Variants in MAPK4 observed in about 807,000 individuals in gnomAD.
MAPK4 encodes mitogen-activated protein kinase 4, also known as Erk3-related.
MAPK4 carries 22 observed loss-of-function variants against 47.7 expected under a neutral mutation model. The observed-to-expected ratio is 0.46, with a 90% CI of 0.33 to 0.66. The LOEUF is 0.66. MAPK4 is among the 30% of genes least tolerant of loss of function. MAPK4 has a pLI of 0.02. For missense variants in MAPK4, 736 were observed against 831.7 expected, an observed-to-expected ratio of 0.88 and a Z score of 1.42; for synonymous variants, 390 against 365.7, an observed-to-expected ratio of 1.07 and a Z score of -0.76.
intron 1 of MAPK4, among the ~76,000 whole-genome samples, chr18:50,640,681 G>T (rs989162242): frequency 2.0e-5 from 3 of 152,166 alleles, no homozygotes; most frequent in African/African-American, 4.8e-5. Context: ...GGCCAGGCTG[G>T]TCTCGAACTC....
At chr18:50,646,281 C>T (rs573576001) in intron 1 of MAPK4, among the ~76,000 whole-genome samples, 1 of 152,386 alleles carries the variant, frequency 6.6e-6, no homozygotes, top group East Asian at 1.9e-4. Flanking sequence ...GAAGCTCTTC[C>T]TCCATGGGCC....
chr18:50,673,850 C>T (rs904042049), intron 2 of MAPK4, among the ~76,000 whole-genome samples: 3 of 151,894 alleles, frequency 2.0e-5, no homozygotes, highest in Non-Finnish European at 2.9e-5. Context: ...AGCAAGACTC[C>T]GTCTCAAAAA....
chr18:50,603,860 GAGAT>G (rs1329579606), intron 1 of MAPK4, among the ~76,000 whole-genome samples: 1 of 152,190 alleles, frequency 6.6e-6, no homozygotes, highest in Non-Finnish European at 1.5e-5. Context: ...ATGTCACAAA[GAGAT>G]AGATATCACA....
chr18:50,676,638 C>T (rs1908288972), intron 2 of MAPK4, among the ~76,000 whole-genome samples: 1 of 152,204 alleles, frequency 6.6e-6, no homozygotes, highest in Non-Finnish European at 1.5e-5. Context: ...TGTTAGGAAA[C>T]ATCACCACTT....
chr18:50,611,989 T>C (rs965466078), intron 1 of MAPK4, among the ~76,000 whole-genome samples: 1 of 152,180 alleles, frequency 6.6e-6, no homozygotes, highest in African/African-American at 2.4e-5. Flanking sequence ...AATGCATAGC[T>C]TGACAGAGTT....
rs183274133 is a variant in MAPK4, at chr18:50,570,937, G to T, written c.-871+10694G>T. 3.3e-5 allele frequency among the ~76,000 whole-genome samples: 5 copies of T among 152,280 alleles called. No individual in the cohort carries two copies. In the East Asian group the frequency reaches 9.7e-4, roughly 29 times the overall value. ...TTGGTTTTTGGGGTGTGGGAGTGGG[G>T]TGGTGGCGGCTTTTATTTTTATTTT... On this transcript the variant is annotated intron_variant, in intron 1 of 5. Transcript: ENST00000400384.
chr18:50,587,904 T>C (rs1187854834), intron 1 of MAPK4, among the ~76,000 whole-genome samples: 1 of 152,076 alleles, frequency 6.6e-6, no homozygotes, highest in Non-Finnish European at 1.5e-5. Context: ...CATTTTTATA[T>C]ATTTTTAGTA....
intron 1 of MAPK4, among the ~76,000 whole-genome samples, chr18:50,662,391 C>G (rs896829771): frequency 6.6e-6 from 1 of 152,220 alleles, no homozygotes; most frequent in African/African-American, 2.4e-5. Context: ...AGATTTGACC[C>G]ATTGCTTTGA....
At chr18:50,613,569 A>T (rs1381245984) in intron 1 of MAPK4, among the ~76,000 whole-genome samples, 1 of 152,236 alleles carries the variant, frequency 6.6e-6, no homozygotes, top group Non-Finnish European at 1.5e-5. Context: ...AGAAACTGGG[A>T]TATCATTAAT....
intron 1 of MAPK4, among the ~76,000 whole-genome samples, chr18:50,564,380 C>T (rs2042180605): frequency 1.3e-5 from 2 of 152,180 alleles, no homozygotes; most frequent in South Asian, 2.1e-4. Flanking sequence ...GGCCTCTACC[C>T]CCTAGATGCC....
At chr18:50,670,936 A>C (rs1274657271) in intron 2 of MAPK4, among the ~76,000 whole-genome samples, 2 of 152,200 alleles carry the variant, frequency 1.3e-5, no homozygotes, top group African/African-American at 4.8e-5. Flanking sequence ...AGGGATTCTG[A>C]TGCTCCTGAA....
intron 1 of MAPK4, among the ~76,000 whole-genome samples, chr18:50,643,552 C>A (rs1370302819): frequency 1.3e-5 from 2 of 152,246 alleles, no homozygotes; most frequent in African/African-American, 2.4e-5. Flanking sequence ...TCCCTCCTCA[C>A]TAATTCTCAT....
At chr18:50,658,541 G>T (rs1292291458) in intron 1 of MAPK4, among the ~76,000 whole-genome samples, 3 of 152,208 alleles carry the variant, frequency 2.0e-5, no homozygotes, top group Admixed American at 1.3e-4. Flanking sequence ...TTGGCCTCTG[G>T]TAAACCCTCA....
chr18:50,603,153 A>G (rs1458888133), intron 1 of MAPK4, among the ~76,000 whole-genome samples: 2 of 152,134 alleles, frequency 1.3e-5, no homozygotes, highest in African/African-American at 4.8e-5. Context: ...GTCAGCAGAC[A>G]GGTCAGTCCC....
chr18:50,562,599 G>A (rs1006568116), intron 1 of MAPK4, among the ~76,000 whole-genome samples: 3 of 152,154 alleles, frequency 2.0e-5, no homozygotes, highest in Admixed American at 6.5e-5. Context: ...CCTAGGACTG[G>A]AATTAAATAG....
chr18:50,728,853 GTTTGT>G (rs1271642589), intron 5 of MAPK4, among the ~76,000 whole-genome samples: 4 of 152,238 alleles, frequency 2.6e-5, no homozygotes, highest in Admixed American at 6.5e-5. Flanking sequence ...GGACAGGGAC[GTTTGT>G]TTTGTTCACT....
chr18:50,649,075 C>A (rs1265776800), intron 1 of MAPK4, among the ~76,000 whole-genome samples: 1 of 152,210 alleles, frequency 6.6e-6, no homozygotes, highest in Admixed American at 6.5e-5. Flanking sequence ...GAAACACTTG[C>A]CTTATAAAAC....
chr18:50,670,127 C>G (rs1360091168), intron 2 of MAPK4: 5 of 149,130 alleles, frequency 3.4e-5, no homozygotes, highest in Non-Finnish European at 4.4e-5. Context: ...CCACTGCACT[C>G]CAGCCTGGGC....
At chr18:50,674,525 G>T (rs542994020) in intron 2 of MAPK4, among the ~76,000 whole-genome samples, 4 of 152,178 alleles carry the variant, frequency 2.6e-5, no homozygotes, top group Admixed American at 2.6e-4. Context: ...CCACTCCCTC[G>T]TGTTGTAACT....
Sources: allele counts gnomAD v4.1 joint callset (sites outside exome capture counted in the v4.1 genomes callset), GRCh38; gene constraint gnomAD v4.1.1; transcripts MANE v1.5; gene names NCBI Gene and HGNC (gene_info 2026-07-23, HGNC 2026-07-21).